BACE2: variants seen among roughly 807,000 people sequenced by gnomAD.
BACE2 encodes 56 kDa aspartic-like protease.
A neutral mutation model predicts 46.2 loss-of-function variants in BACE2; 17 were observed. The ratio of observed to expected loss-of-function variants is 0.37; its 90% CI spans 0.25 to 0.55. BACE2 has a LOEUF of 0.55. Ranked by LOEUF, BACE2 falls within the 20% of genes least tolerant of loss-of-function variation. The pLI is 0.82. For synonymous variants in BACE2, 277 were observed against 295.9 expected (o/e 0.94, Z 0.66); for missense variants, 595 against 698.1 (o/e 0.85, Z 1.66).
At chr21:41,190,517 G>T (rs1428255667) in intron 1 of BACE2, among the ~76,000 whole-genome samples, 1 of 152,146 alleles carries the variant, frequency 6.6e-6, no homozygotes, top group Non-Finnish European at 1.5e-5. Flanking sequence ...TACAGTCCTC[G>T]TTTCTGCAGC....
At chr21:41,202,117 TTG>T (rs1383685583) in intron 1 of BACE2, among the ~76,000 whole-genome samples, 16 of 152,360 alleles carry the variant, frequency 1.1e-4, no homozygotes, top group Admixed American at 3.9e-4. Flanking sequence ...TCAAAAGTCT[TTG>T]TGCTAAATGA....
At chr21:41,229,466 G>T (rs1356607135) in intron 2 of BACE2, among the ~76,000 whole-genome samples, 1 of 152,178 alleles carries the variant, frequency 6.6e-6, no homozygotes, top group East Asian at 1.9e-4. Context: ...TTTTTTCATG[G>T]CAGATAAATA....
At chr21:41,234,964 G>A (rs1293232947) in intron 2 of BACE2, among the ~76,000 whole-genome samples, 2 of 152,180 alleles carry the variant, frequency 1.3e-5, no homozygotes, top group Non-Finnish European at 2.9e-5. Context: ...GATCACGGTG[G>A]AGTGAACCAA....
At chr21:41,255,197 G>A (rs901980933) in intron 7 of BACE2, among the ~76,000 whole-genome samples, 2 of 152,220 alleles carry the variant, frequency 1.3e-5, no homozygotes, top group African/African-American at 4.8e-5. Context: ...CAGGTTACAC[G>A]GGAAATGCCG....
At chr21:41,191,272 G>A (rs565135003) in intron 1 of BACE2, among the ~76,000 whole-genome samples, 2 of 152,204 alleles carry the variant, frequency 1.3e-5, no homozygotes, top group African/African-American at 4.8e-5. Flanking sequence ...CAATCCAGCT[G>A]CTTCAGGATG....
chr21:41,188,306 G>T (rs1285104301), intron 1 of BACE2, among the ~76,000 whole-genome samples: 2 of 152,148 alleles, frequency 1.3e-5, no homozygotes, highest in Non-Finnish European at 2.9e-5. Flanking sequence ...CATTGCCTGG[G>T]TTTATGAATC....
Position 41,241,867 on chromosome 21 carries a change from A to C in BACE2, c.667A>C (p.Asn223His). Reference protein sequence around the residue: ...TFFDSLVTQANIPNVFSMQMC... With the variant: ...TFFDSLVTQAHIPNVFSMQMC... ...CTTCGACTCCCTGGTGACACAAGCA[A>C]ACATCCCCAACGTTTTCTCCATGCA... Residue 223 changes from asparagine to histidine, a missense_variant, in exon 4 of 9, where the codon AAC (asparagine) becomes CAC (histidine). By Grantham distance (68) the Asn-to-His change is moderately conservative. This residue lies in a region of BACE2 where 343 missense variants were observed against 419.4 expected (regional missense o/e 0.82). Transcript: ENST00000330333. 1 of 1,614,148 alleles carries C rather than the reference A, an allele frequency of 6.2e-7. No individual in the cohort carries two copies.
At chr21:41,266,612 C>T (rs947063930) in intron 8 of BACE2, among the ~76,000 whole-genome samples, 18 of 152,244 alleles carry the variant, frequency 1.2e-4, no homozygotes, top group African/African-American at 3.9e-4. Flanking sequence ...CCTCCTCCCC[C>T]AACCTCTTAG....
intron 1 of BACE2, among the ~76,000 whole-genome samples, chr21:41,200,078 T>A (rs938855118): frequency 1.3e-5 from 2 of 150,692 alleles, no homozygotes; most frequent in Non-Finnish European, 3.0e-5. Flanking sequence ...TTAGGAGATA[T>A]AACTAATGTC....
chr21:41,232,020 C>A (rs1986978488), intron 2 of BACE2, among the ~76,000 whole-genome samples: 1 of 140,640 alleles, frequency 7.1e-6, no homozygotes, highest in African/African-American at 2.6e-5. Flanking sequence ...TGAGAATTAC[C>A]TTTTTTTTTT....
chr21:41,249,631 G>T (rs1044524962), intron 6 of BACE2, among the ~76,000 whole-genome samples: 6 of 152,138 alleles, frequency 3.9e-5, no homozygotes, highest in Non-Finnish European at 7.4e-5. Flanking sequence ...CACCTCCCCA[G>T]CGCCTGCTTG....
chr21:41,228,052 A>G (rs963547284), intron 2 of BACE2, among the ~76,000 whole-genome samples: 2 of 152,238 alleles, frequency 1.3e-5, no homozygotes, highest in African/African-American at 2.4e-5. Flanking sequence ...CTTTGAGGCC[A>G]GCAGTCCCCA....
chr21:41,260,673 G>A (rs913839103), intron 8 of BACE2, among the ~76,000 whole-genome samples: 1 of 152,166 alleles, frequency 6.6e-6, no homozygotes, highest in Non-Finnish European at 1.5e-5. Context: ...GAGCATGACG[G>A]GGCACCCAGG....
chr21:41,212,422 C>G (rs140953773), intron 1 of BACE2, among the ~76,000 whole-genome samples: 3 of 152,302 alleles, frequency 2.0e-5, no homozygotes, highest in African/African-American at 7.2e-5. Context: ...AGGGCACAGA[C>G]ATTCAGAGCA....
intron 1 of BACE2, among the ~76,000 whole-genome samples, chr21:41,197,970 A>ATTCT: frequency 6.6e-6 from 1 of 152,324 alleles, no homozygotes; most frequent in East Asian, 1.9e-4. Flanking sequence ...CACACATAGA[A>ATTCT]GTTAAATACT....
In BACE2 at chr21:41,257,147, C is replaced by G; in HGVS notation, c.1135-11C>G. 1 of 1,614,168 alleles carries G rather than the reference C, an allele frequency of 6.2e-7. No individual in the cohort carries two copies. Among genetic ancestry groups the G allele is most frequent in the Non-Finnish European group, 8.5e-7 (1 of 1,180,010 alleles). On this transcript the variant is annotated splice_polypyrimidine_tract_variant and intron_variant, in intron 7 of 8. Coordinates refer to ENST00000330333, the MANE Select transcript of BACE2 (RefSeq NM_012105.5). ...TTCTTGTTTGTTTGCTCTCTCCTCTCCGACAAACAGCTTTACATTCAGCCC... is the reference window on the plus strand; with the variant it reads ...TTCTTGTTTGTTTGCTCTCTCCTCTGCGACAAACAGCTTTACATTCAGCCC...
At chr21:41,213,743 C>T (rs1986370555) in intron 1 of BACE2, among the ~76,000 whole-genome samples, 2 of 151,744 alleles carry the variant, frequency 1.3e-5, no homozygotes, top group Admixed American at 1.3e-4. Flanking sequence ...CACTGCATGC[C>T]AGCCTGGGTG....
Position 41,243,246 on chromosome 21 carries a change from A to G in BACE2, c.748-130A>G, listed in dbSNP as rs541846330. The G allele has an allele frequency of 1.2e-5, 9 of 742,038 alleles. No individual in the cohort carries two copies. In the South Asian group the frequency reaches 2.8e-4, roughly 23 times the overall value. The allele number at this position is 742,038 out of a possible 1,614,324, so 46.0% of individuals were successfully genotyped here. ...TTTTTTAAGCATTGATATTTGTTTC[A>G]TGACATTGTCACGAAGTAGAAGCCC... On this transcript the variant is annotated intron_variant, in intron 4 of 8. Transcript: ENST00000330333.
In BACE2 at chr21:41,219,092, A is replaced by T. The variant is rs557601191; in HGVS notation, c.313-7174A>T. 2.0e-5 allele frequency among the ~76,000 whole-genome samples: 3 copies of T among 152,092 alleles called. No homozygotes were observed. In the South Asian group the frequency reaches 6.2e-4, roughly 32 times the overall value. On this transcript the variant is annotated intron_variant, in intron 1 of 8. Coordinates refer to ENST00000330333, the MANE Select transcript of BACE2 (RefSeq NM_012105.5). ...TAGCCAGGATGGTCTGGATCTCCTA[A>T]CCTCATGATCTGCCTGCCTCGGCCT...
Sources: allele counts gnomAD v4.1 joint callset (sites outside exome capture counted in the v4.1 genomes callset), GRCh38; gene constraint gnomAD v4.1.1; regional missense constraint gnomAD v4.1.1; transcripts MANE v1.5; gene names NCBI Gene and HGNC (gene_info 2026-07-23, HGNC 2026-07-21).